PIK3R4: variants seen among roughly 807,000 people sequenced by gnomAD.
The protein encoded by PIK3R4 is phosphoinositide-3-kinase regulatory subunit 4.
Under a neutral mutation model 136.5 loss-of-function variants are expected in PIK3R4, and 46 were observed. The observed-to-expected ratio is 0.34, with a 90% confidence interval of 0.27 to 0.43. The LOEUF is 0.43. Ranked by LOEUF, PIK3R4 falls within the 20% of genes least tolerant of loss-of-function variation. PIK3R4 has a pLI of 1.00. For synonymous variants in PIK3R4, 557 were observed against 566.7 expected (o/e 0.98, Z 0.24); for missense variants, 1,331 against 1,649.5 (o/e 0.81, Z 3.35).
chr3:130,724,103 T>C (rs910416148), intron 6 of PIK3R4, among the ~76,000 whole-genome samples: 3 of 152,102 alleles, frequency 2.0e-5, no homozygotes, highest in Non-Finnish European at 2.9e-5. Context: ...CAGCCCAGAT[T>C]AGAATTAAAA....
chr3:130,706,772 G>T (rs1174224719), intron 11 of PIK3R4, among the ~76,000 whole-genome samples, 176 bp downstream of exon 11: 2 of 152,132 alleles, frequency 1.3e-5, no homozygotes, highest in Non-Finnish European at 1.5e-5. Flanking sequence ...TCAATAACTA[G>T]ATTTCCTCCT....
intron 7 of PIK3R4, among the ~76,000 whole-genome samples, chr3:130,720,017 T>C (rs546988485): frequency 6.6e-6 from 1 of 152,206 alleles, no homozygotes; most frequent in East Asian, 1.9e-4. Context: ...GGGCCACCTA[T>C]ACAACCCACA....
At chr3:130,723,040 G>A (rs557570621) in intron 7 of PIK3R4, among the ~76,000 whole-genome samples, 1 of 108,316 alleles carries the variant, frequency 9.2e-6, no homozygotes, top group East Asian at 3.2e-4. Context: ...TCCAGCCTGG[G>A]TGACAGAGTG....
intron 3 of PIK3R4, among the ~76,000 whole-genome samples, chr3:130,735,023 C>G (rs1383805302): frequency 6.6e-6 from 1 of 151,968 alleles, no homozygotes; most frequent in Non-Finnish European, 1.5e-5. Flanking sequence ...AAATGTATGC[C>G]CAAAGACATG....
intron 12 of PIK3R4, among the ~76,000 whole-genome samples, chr3:130,704,291 T>C (rs567844989): frequency 5.3e-5 from 8 of 152,316 alleles, no homozygotes; most frequent in African/African-American, 1.7e-4. Context: ...CAAAGACAGA[T>C]TCTATCATAA....
intron 2 of PIK3R4, among the ~76,000 whole-genome samples, chr3:130,742,490 A>G (rs781301560): frequency 6.6e-6 from 1 of 152,218 alleles, no homozygotes; most frequent in Non-Finnish European, 1.5e-5. Context: ...TACACTGATC[A>G]ACAAAACTGG....
chr3:130,681,353 A>T, intron 17 of PIK3R4, 138 bp downstream of exon 17: 1 of 660,118 alleles, frequency 1.5e-6, no homozygotes, highest in South Asian at 1.8e-5. Context: ...CAATGGCCAC[A>T]TGATACTTGA....
At chr3:130,719,577 G>T (rs1486732216) in intron 7 of PIK3R4, among the ~76,000 whole-genome samples, 2 of 152,092 alleles carry the variant, frequency 1.3e-5, no homozygotes, top group Non-Finnish European at 2.9e-5. Context: ...TCCAACAAGG[G>T]ACACTGGGTA....
At chr3:130,729,593 T>C (rs1382373539) in intron 5 of PIK3R4, among the ~76,000 whole-genome samples, 1 of 152,190 alleles carries the variant, frequency 6.6e-6, no homozygotes, top group Non-Finnish European at 1.5e-5. Context: ...GACTTCCTGA[T>C]ACATCCTCCT....
chr3:130,723,577 G>A lies in PIK3R4; in HGVS notation c.1818C>T (p.Ala606=), dbSNP rs150444381. 11 of 1,612,236 alleles carry A rather than the reference G, an allele frequency of 6.8e-6. No individual in the cohort carries two copies. The highest frequency in any genetic ancestry group is 9.3e-6 in the Non-Finnish European group (11 of 1,179,484). ...TTGAGGAGCTTTGCCAGCCAACATAGGCAGCAACACCTGGAAATGAAAAGC... is the reference window on the plus strand; with the variant it reads ...TTGAGGAGCTTTGCCAGCCAACATAAGCAGCAACACCTGGAAATGAAAAGC... ...AFFDSIVGVA[A]YVGWQSSSIL... The change falls in exon 7 of 20, where the codon GCC becomes GCT. Residue 606 remains alanine (A), a synonymous_variant. Transcript: ENST00000356763.
chr3:130,730,614 G>A (rs2056487), intron 4 of PIK3R4, among the ~76,000 whole-genome samples, 172 bp from the exon 5 acceptor site: 54,112 of 151,324 alleles, frequency 0.36, 12,660 homozygotes, highest in African/African-American at 0.66. Flanking sequence ...CTCATAATCT[G>A]TAACTGTCTC....
At chr3:130,697,063 C>CTTTTTTTTTT (rs60432343) in intron 13 of PIK3R4, among the ~76,000 whole-genome samples, 7 of 73,024 alleles carry the variant, frequency 9.6e-5, no homozygotes, top group African/African-American at 1.9e-4. Flanking sequence ...GCCACTCCAG[C>CTTTTTTTTTT]TTTTTTTTTT....
chr3:130,742,246 A>T (rs2066828080), intron 2 of PIK3R4, among the ~76,000 whole-genome samples: 2 of 152,238 alleles, frequency 1.3e-5, no homozygotes, highest in African/African-American at 4.8e-5. Context: ...GCCTACCTTC[A>T]GCCAAAACAA....
rs183706612 is a variant in PIK3R4 at position 130,700,980 on chromosome 3, T to G, written c.3098+2743A>C. Among the ~76,000 whole-genome samples, 185 of 152,256 alleles carry G rather than the reference T, an allele frequency of 1.2e-3. 1 individual carries two copies. The highest frequency in any genetic ancestry group is 8.7e-4 in the Non-Finnish European group (59 of 68,022). On this transcript the variant is annotated intron_variant, in intron 13 of 19. Transcript: ENST00000356763. ...TACAGACTTCCCAAATTCTATAAAG[T>G]CAGCTAAATTACCAAAATTTGGGGG... is the stretch of plus-strand genomic sequence containing the variant.
Position 130,718,391 on chromosome 3 carries a change from GTAT to G in PIK3R4, c.2122_2124del (p.Ile708del). On this transcript the variant is annotated inframe_deletion, in exon 8 of 20. Transcript: ENST00000356763. ...ACTCCAACTTGGAACATGTATACCTGTATTATTGGTTGGGTAATATATGGGTCA... is the reference window on the plus strand; with the variant it reads ...ACTCCAACTTGGAACATGTATACCTGTATTGGTTGGGTAATATATGGGTCA... The G allele has an allele frequency of 6.2e-7, 1 of 1,613,194 alleles. No homozygotes were observed. Among genetic ancestry groups the G allele is most frequent in the South Asian group, 1.1e-5 (1 of 91,032 alleles).
intron 4 of PIK3R4, 100 bp from the exon 5 acceptor site, chr3:130,730,542 C>T (rs1464474206): frequency 6.2e-6 from 5 of 808,560 alleles, no homozygotes; most frequent in Non-Finnish European, 9.0e-6. Context: ...TAATCATAAG[C>T]CTATGGGAAA....
intron 9 of PIK3R4, among the ~76,000 whole-genome samples, chr3:130,710,033 T>TA (rs1194665418): frequency 6.6e-6 from 1 of 151,430 alleles, no homozygotes; most frequent in African/African-American, 2.4e-5. Context: ...TGTATCTCAA[T>TA]AAAAAACAAA....
At chr3:130,688,548 A>G (rs1205390732) in intron 14 of PIK3R4, among the ~76,000 whole-genome samples, 1 of 152,190 alleles carries the variant, frequency 6.6e-6, no homozygotes, top group Non-Finnish European at 1.5e-5. Flanking sequence ...TGTGGTATAC[A>G]GTTAAGTGGG....
At chr3:130,730,484 ACT>A (rs762750597) in intron 4 of PIK3R4, 42 bp from the exon 5 acceptor site, 1 of 1,402,992 alleles carries the variant, frequency 7.1e-7, no homozygotes, top group Non-Finnish European at 9.7e-7. Flanking sequence ...TACAATCTTA[ACT>A]CTCTGTAAAG....
Sources: gnomAD v4.1 joint callset for allele counts (sites outside exome capture counted in the v4.1 genomes callset) on GRCh38, gnomAD v4.1.1 for gene constraint, MANE v1.5 for transcripts, NCBI Gene and HGNC (gene_info 2026-07-23, HGNC 2026-07-21) for gene names.